FAM53A: variants seen among roughly 807,000 people sequenced by gnomAD.
FAM53A encodes family with sequence similarity 53 member A, also known as protein FAM53A.
A neutral mutation model predicts 26.6 loss-of-function variants in FAM53A; 28 were observed. The observed-to-expected ratio is 1.05, with a 90% confidence interval of 0.78 to 1.45. The LOEUF (loss-of-function observed/expected upper bound fraction) is 1.45, where lower values mean the gene tolerates loss of function less well. Ranked by LOEUF, FAM53A falls within the 40% of genes most tolerant of loss-of-function variation. The probability of loss-of-function intolerance (pLI) is 0.00; values close to 1 mark genes in which losing one functional copy is unlikely to be tolerated. For missense variants in FAM53A, 650 were observed against 575.8 expected (o/e 1.13, Z -1.32); for synonymous variants, 290 against 253.1 (o/e 1.15, Z -1.38).
At chr4:1,590,902 T>C in the FAM53A span, among the ~76,000 whole-genome samples, 1 of 146,244 alleles carries the variant, frequency 6.8e-6, no homozygotes, top group Non-Finnish European at 1.5e-5. Flanking sequence ...ATATTTCTCC[T>C]GGTAATATTC....
At chr4:1,593,692 T>C in the FAM53A span, among the ~76,000 whole-genome samples, 2 of 151,810 alleles carry the variant, frequency 1.3e-5, no homozygotes. Flanking sequence ...GCTGCCGGGG[T>C]ATAAATTACA....
At position 1,657,409 on chromosome 4, in the gene FAM53A, G is replaced by C; in HGVS notation, c.135C>G (p.Asn45Lys). The change falls in exon 3 of 5, where the codon AAC becomes AAG. Residue 45 changes from asparagine to lysine, a missense_variant and splice_region_variant. Transcript: ENST00000308132. ...GGCCACAGCTCCTAAAGTGCTCACC[G>C]TTGAGCTCCAAAGGGAACAGACGAC... is the stretch of plus-strand genomic sequence containing the variant. ...KSGRLFPLELNDQSPWKVFSG... is the reference protein window; with the variant it reads ...KSGRLFPLELKDQSPWKVFSG... 1.9e-6 allele frequency: 3 copies of C among 1,613,186 alleles called. No homozygotes were observed. The highest frequency in any genetic ancestry group is 2.5e-6 in the Non-Finnish European group (3 of 1,179,556).
intron 1 of FAM53A, among the ~76,000 whole-genome samples, chr4:1,634,033 G>T (rs1715729589): frequency 6.6e-6 from 1 of 152,128 alleles, no homozygotes; most frequent in South Asian, 2.1e-4. Context: ...AGAACACCAG[G>T]AGGGGCCCAG....
chr4:1,635,010 TTCTC>T (rs1396783007), downstream of FAM53A, among the ~76,000 whole-genome samples: 4 of 152,256 alleles, frequency 2.6e-5, no homozygotes, highest in Non-Finnish European at 5.9e-5. Context: ...TATTTACAGG[TTCTC>T]TTTCTCCTTG....
the FAM53A span, among the ~76,000 whole-genome samples, chr4:1,587,199 C>T: frequency 1.3e-5 from 2 of 152,308 alleles, no homozygotes; most frequent in Middle Eastern, 3.4e-3. Context: ...TGTCTCTTCA[C>T]TCTGCTGATT....
chr4:1,629,427 G>GA (rs964299407), intron 1 of FAM53A, among the ~76,000 whole-genome samples: 2 of 152,226 alleles, frequency 1.3e-5, no homozygotes, highest in African/African-American at 4.8e-5. Context: ...AGGGTGGCCC[G>GA]AGTCAGTCCT....
At chr4:1,613,803 AAGTTCAAT>A (rs983933060), downstream of FAM53A, among the ~76,000 whole-genome samples, 1 of 152,212 alleles carries the variant, frequency 6.6e-6, no homozygotes, top group African/African-American at 2.4e-5. Flanking sequence ...GCTTTTCATA[AAGTTCAAT>A]AGTTATTTTT....
At chr4:1,626,709 C>G (rs1369794440) in intron 1 of FAM53A, among the ~76,000 whole-genome samples, 1 of 152,038 alleles carries the variant, frequency 6.6e-6, no homozygotes, top group African/African-American at 2.4e-5. Context: ...GACTCTCAGC[C>G]ACAGTGATGT....
intron 4 of FAM53A, among the ~76,000 whole-genome samples, chr4:1,645,616 G>A (rs548336451): frequency 1.9e-4 from 29 of 152,302 alleles, no homozygotes; most frequent in Middle Eastern, 6.8e-3. Context: ...TGATGGCACC[G>A]GCTCCTCATC....
At chr4:1,644,111 CCA>C in intron 4 of FAM53A, 1 of 1,491,158 alleles carries the variant, frequency 6.7e-7, no homozygotes, top group Non-Finnish European at 8.9e-7. Context: ...GCCGTGCTGC[CCA>C]CACAGGATGG....
the FAM53A span, among the ~76,000 whole-genome samples, chr4:1,583,600 C>T: frequency 1.3e-5 from 2 of 152,258 alleles, no homozygotes; most frequent in Non-Finnish European, 2.9e-5. Context: ...ACAACCCTCC[C>T]AGTCCTGCAG....
chr4:1,602,243 C>A, the FAM53A span, among the ~76,000 whole-genome samples: 73,269 of 152,102 alleles, frequency 0.48, 18,567 homozygotes, highest in Non-Finnish European at 0.56. Flanking sequence ...AGAAGCCCTG[C>A]CGGGGGAGCT....
the FAM53A span, among the ~76,000 whole-genome samples, chr4:1,595,665 C>T: frequency 6.6e-6 from 1 of 152,236 alleles, no homozygotes; most frequent in African/African-American, 2.4e-5. Flanking sequence ...ACACTTGGAG[C>T]TTACCCAGCA....
Position 1,668,746 on chromosome 4 carries a change from G to A in FAM53A, c.-5C>T, listed in dbSNP as rs762287267. 3.7e-5 allele frequency: 59 copies of A among 1,613,998 alleles called. No homozygotes were observed. The highest frequency in any genetic ancestry group is 1.6e-4 in the East Asian group (7 of 44,870). On this transcript the variant is annotated 5_prime_UTR_variant, in exon 2 of 5. Coordinates refer to ENST00000308132, the MANE Select transcript of FAM53A (RefSeq NM_001174070.3). ...CTCAGTGATGAGTGTGACCATGGTC[G>A]GGGCCCCGTGTCCTCCGTCCACACC...
chr4:1,611,281 G>T, the FAM53A span, among the ~76,000 whole-genome samples: 2 of 152,104 alleles, frequency 1.3e-5, no homozygotes, highest in Admixed American at 6.5e-5. Flanking sequence ...GGGTCTGTCC[G>T]TGGGCCCTGA....
chr4:1,674,276 G>A (rs752553215), intron 1 of FAM53A, among the ~76,000 whole-genome samples: 10 of 152,096 alleles, frequency 6.6e-5, no homozygotes, highest in Non-Finnish European at 1.2e-4. Flanking sequence ...TCTCCCCAGC[G>A]CCACAGAGTC....
At position 1,669,233 on chromosome 4, in the gene FAM53A, T is replaced by C. The variant is rs376116019; in HGVS notation, c.-164-328A>G. Among the ~76,000 whole-genome samples, 109 of 152,298 alleles carry C rather than the reference T, an allele frequency of 7.2e-4. 1 individual carries two copies. The highest frequency in any genetic ancestry group is 2.5e-3 in the African/African-American group (105 of 41,546). ...AAGGACATTCTGGAAGCTGGGAAGC[T>C]GCTGGAAAGCCAATATCAAGCCAGG... On this transcript the variant is annotated intron_variant, in intron 1 of 4. Transcript: ENST00000308132.
chr4:1,635,165 C>T (rs924130075), downstream of FAM53A, among the ~76,000 whole-genome samples: 26 of 152,184 alleles, frequency 1.7e-4, no homozygotes, highest in Non-Finnish European at 3.2e-4. Context: ...GCTCATTCTC[C>T]CCTTTTCTCA....
At chr4:1,651,436 G>C (rs1393437953) in intron 4 of FAM53A, among the ~76,000 whole-genome samples, 1 of 151,972 alleles carries the variant, frequency 6.6e-6, no homozygotes, top group Admixed American at 6.6e-5. Flanking sequence ...GGAGGCTGAG[G>C]CAGGAGAATT....
Sources: gnomAD v4.1 joint callset for allele counts (sites outside exome capture counted in the v4.1 genomes callset) on GRCh38, gnomAD v4.1.1 for gene constraint, MANE v1.5 for transcripts, NCBI Gene and HGNC (gene_info 2026-07-23, HGNC 2026-07-21) for gene names.